LGALS4: variants seen among roughly 807,000 people sequenced by gnomAD.
The protein encoded by LGALS4 is galectin-4.
In LGALS4, 37 loss-of-function variants were observed where a neutral mutation model predicts 39.6. The ratio of observed to expected loss-of-function variants is 0.93; its 90% CI spans 0.72 to 1.23. The LOEUF is 1.23. Ranked by LOEUF, LGALS4 falls within the 50% of genes most tolerant of loss-of-function variation. The pLI, the probability that LGALS4 is intolerant of heterozygous loss-of-function variation, is 0.00. For synonymous variants in LGALS4, 160 were observed against 165.5 expected, an observed-to-expected ratio of 0.97 and a Z score of 0.25; for missense variants, 397 against 433.2, an observed-to-expected ratio of 0.92 and a Z score of 0.74.
intron 7 of LGALS4, chr19:38,803,235 G>C: frequency 2.0e-6 from 1 of 502,806 alleles, no homozygotes; most frequent in Non-Finnish European, 3.6e-6. Context: ...GGATGGTCTC[G>C]ATCGATCTCC....
At chr19:38,810,220 A>C in intron 2 of LGALS4, among the ~76,000 whole-genome samples, 1 of 151,936 alleles carries the variant, frequency 6.6e-6, no homozygotes, top group Non-Finnish European at 1.5e-5. Flanking sequence ...CAGTGATGCG[A>C]TCTCAGCTCA....
At chr19:38,803,297 G>A (rs111643146) in intron 7 of LGALS4, 61,992 of 597,472 alleles carry the variant, frequency 0.1, 3,746 homozygotes, top group Middle Eastern at 0.14. Context: ...GATTACAGGC[G>A]TGAGCCACCA....
chr19:38,808,846 C>G lies in LGALS4; in HGVS notation c.237G>C (p.Leu79Phe), dbSNP rs765688505. Reference protein sequence around the residue: ...DGWDKVVFNTLQGGKWGSEER... With the variant: ...DGWDKVVFNTFQGGKWGSEER... Reference sequence around the variant, plus strand: ...CCTCGCTGCCCCACTTCCCGCCCTGCAACGTGTTGAAGACCACCTTGTCCC... The same window carrying G: ...CCTCGCTGCCCCACTTCCCGCCCTGGAACGTGTTGAAGACCACCTTGTCCC... The change falls in exon 3 of 10, where the codon TTG (leucine) becomes TTC (phenylalanine). Residue 79 changes from leucine to phenylalanine, a missense_variant. Leu to Phe is a conservative substitution (Grantham distance 22). Transcript: ENST00000307751. The G allele has an allele frequency of 2.5e-6, 4 of 1,614,170 alleles. No homozygotes were observed. Among genetic ancestry groups the G allele is most frequent in the Admixed American group, 3.3e-5 (2 of 60,014 alleles).
rs896693871 is a variant in LGALS4, at chr19:38,808,726, G to A, written c.339+18C>T. 1 of 1,607,434 alleles carries A rather than the reference G, an allele frequency of 6.2e-7. No homozygotes were observed. Among genetic ancestry groups the A allele is most frequent in the African/African-American group, 1.3e-5 (1 of 74,748 alleles). On this transcript the variant is annotated intron_variant, in intron 3 of 9. Coordinates refer to ENST00000307751, the MANE Select transcript of LGALS4 (RefSeq NM_006149.4). ...CACTGCACTCCAGCTTGGGAAACAA[G>A]AGAGAAAGCATGCAGACCTTGTAGT... is the stretch of plus-strand genomic sequence containing the variant.
intron 3 of LGALS4, 72 bp downstream of exon 3, chr19:38,808,672 G>GGGAA (rs1468884838): frequency 2.3e-5 from 27 of 1,172,222 alleles, no homozygotes; most frequent in Middle Eastern, 4.1e-4. Context: ...GAAGGAAGGC[G>GGGAA]GGAAGGAAGG....
In LGALS4 at chr19:38,806,501, T is replaced by G. The variant is rs1971423640; in HGVS notation, c.434A>C (p.Gln145Pro). 6.2e-7 allele frequency: 1 copy of G among 1,614,074 alleles called. No individual in the cohort carries two copies. Among genetic ancestry groups the G allele is most frequent in the Non-Finnish European group, 8.5e-7 (1 of 1,179,986 alleles). Residue 145 changes from glutamine to proline, a missense_variant, in exon 4 of 10, where the codon CAA (glutamine) becomes CCA (proline). By Grantham distance (76) the Gln-to-Pro change is moderately conservative (BLOSUM62 -1). Coordinates refer to ENST00000307751, the MANE Select transcript of LGALS4 (RefSeq NM_006149.4). ...CTGGCCTCCGATGAAGTTGATTGATTGAAGTTGCAGATCCCCATCCACTTG... is the reference window on the plus strand; with the variant it reads ...CTGGCCTCCGATGAAGTTGATTGATGGAAGTTGCAGATCCCCATCCACTTG... Reference protein sequence around the residue: ...HLQVDGDLQLQSINFIGGQPL... With the variant: ...HLQVDGDLQLPSINFIGGQPL...
At chr19:38,802,460 G>A in intron 7 of LGALS4, 56 bp from the exon 8 acceptor site, 1 of 1,346,004 alleles carries the variant, frequency 7.4e-7, no homozygotes, top group South Asian at 1.2e-5. Flanking sequence ...AGCCAGATGT[G>A]GGAAGAAATT....
At chr19:38,805,474 C>T (rs1971412093) in intron 4 of LGALS4, among the ~76,000 whole-genome samples, 1 of 152,024 alleles carries the variant, frequency 6.6e-6, no homozygotes, top group Non-Finnish European at 1.5e-5. Flanking sequence ...ACAGACCTGA[C>T]CATTTCTGGG....
At chr19:38,809,608 G>A (rs1311471438) in intron 2 of LGALS4, among the ~76,000 whole-genome samples, 1 of 144,092 alleles carries the variant, frequency 6.9e-6, no homozygotes, top group Admixed American at 6.9e-5. Flanking sequence ...AGCCTCCCTA[G>A]TAGCTGGGAC....
intron 7 of LGALS4, chr19:38,803,239 G>A (rs1303253522): frequency 9.7e-6 from 5 of 514,126 alleles, no homozygotes; most frequent in Admixed American, 6.5e-5. Flanking sequence ...GGTCTCGATC[G>A]ATCTCCTGAC....
At chr19:38,803,655 T>C (rs1472137448) in intron 6 of LGALS4, 87 bp downstream of exon 6, 2 of 1,593,848 alleles carry the variant, frequency 1.3e-6, no homozygotes, top group Non-Finnish European at 1.7e-6. Flanking sequence ...TTAGTACACC[T>C]TGGGCTGCAA....
intron 2 of LGALS4, 84 bp downstream of exon 2, chr19:38,812,347 G>T: frequency 1.7e-6 from 2 of 1,181,752 alleles, no homozygotes; most frequent in Non-Finnish European, 1.3e-6. Context: ...GGTGGGGTAA[G>T]GGCAGAAAGC....
At chr19:38,802,199 G>A (rs763670773) in intron 8 of LGALS4, 42 bp from the exon 9 acceptor site, 1 of 1,608,950 alleles carries the variant, frequency 6.2e-7, no homozygotes, top group South Asian at 1.1e-5. Flanking sequence ...GGAGTCCAGT[G>A]GGAAGAGGCC....
rs529347588 is a variant in LGALS4 at position 38,811,698 on chromosome 19, A to G, written c.134+733T>C. Among the ~76,000 whole-genome samples, 19 of 151,760 alleles carry G rather than the reference A, an allele frequency of 1.3e-4. No homozygotes were observed. In the East Asian group the frequency reaches 3.7e-3, roughly 30 times the overall value. ...AGTCCTATGAGGCCAATCATTATCA[A>G]CGTGTTAAGGCCCTTTTTAAAAAGC... On this transcript the variant is annotated intron_variant, in intron 2 of 9. Transcript: ENST00000307751.
rs74905827 is a variant in LGALS4, at chr19:38,812,294, C to G, written c.134+137G>C. On this transcript the variant is annotated intron_variant, in intron 2 of 9. Transcript: ENST00000307751. ...CTCCTGATCTGCCCCAGATTCATCT[C>G]TGGCTATTGGGTGGGGCAGAAAAAG... 2,110 of 691,258 alleles carry G rather than the reference C, an allele frequency of 3.1e-3. 31 individuals are homozygous for G. The African/African-American group carries it at 0.035, about 11-fold the overall frequency. The allele number at this position is 691,258 out of a possible 1,614,324, so 42.8% of individuals were successfully genotyped here.
chr19:38,802,347 T>A lies in LGALS4; in HGVS notation c.628A>T (p.Ile210Phe). Residue 210 changes from isoleucine to phenylalanine, a missense_variant, in exon 8 of 10, where the codon ATC becomes TTC. By Grantham distance (21) the Ile-to-Phe change is conservative. Transcript: ENST00000307751. ...CCTGTGGGAGGCACATAGCCCTTGA[T>A]GATGATGGTTCTTCGAGCTGTGAGC... ...GGLTARRTIIIKGYVPPTGKS... is the reference protein window; with the variant it reads ...GGLTARRTIIFKGYVPPTGKS... The A allele has an allele frequency of 6.2e-7, 1 of 1,614,196 alleles. No homozygotes were observed.
Position 38,812,413 on chromosome 19 carries a change from GCTTGGGGAGGGT to G in LGALS4, c.134+6_134+17del, listed in dbSNP as rs1971504233. ...GGAAGTCCCCTGCCAGCCCGGCCTG[GCTTGGGGAGGGT>G]CTTACCGCTTCATGTGCTCGCTGGC... On this transcript the variant is annotated splice_donor_region_variant and intron_variant, in intron 2 of 9. Coordinates refer to ENST00000307751, the MANE Select transcript of LGALS4 (RefSeq NM_006149.4). 6 of 1,611,976 alleles carry G rather than the reference GCTTGGGGAGGGT, an allele frequency of 3.7e-6. No individual in the cohort carries two copies. The highest frequency in any genetic ancestry group is 5.1e-6 in the Non-Finnish European group (6 of 1,178,258).
In LGALS4 at chr19:38,808,942, G is replaced by A. The variant is rs140167180; in HGVS notation, c.141C>T (p.Phe47=). 1,302 of 1,607,666 alleles carry A rather than the reference G, an allele frequency of 8.1e-4. No homozygotes were observed. The highest frequency in any genetic ancestry group is 1.0e-3 in the Non-Finnish European group (1,225 of 1,176,814). ...GVASEHMKRF[F]VNFVVGQDPG... is the part of the protein sequence containing the mutation. Reference sequence around the variant, plus strand: ...GATCCTGCCCAACCACAAAGTTCACGAAGAACCTGGCGGGACACAAAGGGC... The same window carrying A: ...GATCCTGCCCAACCACAAAGTTCACAAAGAACCTGGCGGGACACAAAGGGC... The change falls in exon 3 of 10, where the codon TTC becomes TTT. Residue 47 remains phenylalanine, a synonymous_variant. Transcript: ENST00000307751.
chr19:38,810,426 A>G (rs1418630035), intron 2 of LGALS4, among the ~76,000 whole-genome samples: 1 of 135,616 alleles, frequency 7.4e-6, no homozygotes, highest in Admixed American at 8.4e-5. Context: ...GCAGTGGCGC[A>G]ATCTTGGCTC....
Sources: gnomAD v4.1 joint callset for allele counts (sites outside exome capture counted in the v4.1 genomes callset) on GRCh38, gnomAD v4.1.1 for gene constraint, MANE v1.5 for transcripts, NCBI Gene and HGNC (gene_info 2026-07-23, HGNC 2026-07-21) for gene names.